The following RILPL1 variants were observed in gnomAD, a reference collection of about 807,000 sequenced individuals.
The protein encoded by RILPL1 is RILP-like protein 1.
Under a neutral mutation model 50.3 loss-of-function variants are expected in RILPL1, and 33 were observed. The observed-to-expected ratio is 0.66, with a 90% CI of 0.50 to 0.88. The LOEUF (loss-of-function observed/expected upper bound fraction) is 0.88, where lower values mean the gene tolerates loss of function less well. Ranked by LOEUF, RILPL1 falls within the 40% of genes least tolerant of loss-of-function variation. RILPL1 has a pLI of 0.00. For missense variants in RILPL1, 418 were observed against 542.5 expected, an observed-to-expected ratio of 0.77 and a Z score of 2.28; for synonymous variants, 205 against 228.6, an observed-to-expected ratio of 0.90 and a Z score of 0.93.
rs1882534783 is a variant in RILPL1, at chr12:123,489,206, G to A, written c.802-3401C>T. ...CTGGGAACAGAGTCAGACAGATGGG[G>A]CTGAAGAGAAGATACACATAAATAG... On this transcript the variant is annotated intron_variant, in intron 4 of 6. Transcript: ENST00000376874. The surrounding 1 kb of genome is among the most constrained non-coding windows in gnomAD (Gnocchi z 4.0). Among the ~76,000 whole-genome samples, 1 of 152,186 alleles carries A rather than the reference G, an allele frequency of 6.6e-6. No homozygotes were observed. The highest frequency in any genetic ancestry group is 1.5e-5 in the Non-Finnish European group (1 of 68,042).
intron 4 of RILPL1, among the ~76,000 whole-genome samples, chr12:123,494,947 C>T (rs552210346): frequency 1.5e-4 from 23 of 152,208 alleles, no homozygotes; most frequent in Non-Finnish European, 2.6e-4. Flanking sequence ...TGGCCTTTAT[C>T]CTTCCCTCAG....
chr12:123,518,010 C>T (rs1288471126), intron 2 of RILPL1, among the ~76,000 whole-genome samples: 1 of 152,112 alleles, frequency 6.6e-6, no homozygotes, highest in Non-Finnish European at 1.5e-5. Flanking sequence ...ATATAGGAGA[C>T]GCCTCAAGTA....
Position 123,499,502 on chromosome 12 carries a change from C to G in RILPL1, c.495G>C (p.Lys165Asn). 6.2e-7 allele frequency: 1 copy of G among 1,613,982 alleles called. No homozygotes were observed. Among genetic ancestry groups the G allele is most frequent in the Non-Finnish European group, 8.5e-7 (1 of 1,179,878 alleles). The change falls in exon 3 of 7, where the codon AAG becomes AAC. Residue 165 changes from lysine to asparagine, a missense_variant. Lys to Asn is a moderately conservative substitution (Grantham distance 94). Coordinates refer to ENST00000376874, the MANE Select transcript of RILPL1 (RefSeq NM_178314.5). ...MSERERQVMK[K>N]LKEVVDKQRD... ...GTTGTTTGTCCACCACCTCCTTCAGCTTCTTCATCACCTGTCGCTCCCGCT... is the reference window on the plus strand; with the variant it reads ...GTTGTTTGTCCACCACCTCCTTCAGGTTCTTCATCACCTGTCGCTCCCGCT...
At chr12:123,493,997 C>A (rs1336037738) in intron 4 of RILPL1, among the ~76,000 whole-genome samples, 1 of 152,056 alleles carries the variant, frequency 6.6e-6, no homozygotes, top group African/African-American at 2.4e-5. Flanking sequence ...GTTGCCCAGG[C>A]TAGTCTCAAA....
intron 2 of RILPL1, chr12:123,514,133 AACGAGGAAAGCAGCTCTGACACGCC>A (rs1884552793): frequency 6.6e-6 from 1 of 152,286 alleles, no homozygotes; most frequent in Admixed American, 6.5e-5. Flanking sequence ...ATTCAGCCAT[AACGAGGAAAGCAGCTCTGACACGCC>A]ACAGCACGGA....
chr12:123,477,935 C>T (rs9777813), intron 6 of RILPL1, among the ~76,000 whole-genome samples: 90,698 of 148,092 alleles, frequency 0.61, 28,316 homozygotes, highest in East Asian at 0.99. Flanking sequence ...GACCAATGCT[C>T]GGGGGCCTGG....
At chr12:123,475,549 TGGC>T (rs1397746143) in intron 6 of RILPL1, 2 of 696,716 alleles carry the variant, frequency 2.9e-6, no homozygotes, top group Non-Finnish European at 5.2e-6. Context: ...AGCACACAGG[TGGC>T]GGCCATGCAG....
At chr12:123,525,719 A>AAAAAAAAAAAC (rs1885227993) in intron 1 of RILPL1, among the ~76,000 whole-genome samples, 1 of 149,614 alleles carries the variant, frequency 6.7e-6, no homozygotes, top group Non-Finnish European at 1.5e-5. Flanking sequence ...AAAAAAAAAA[A>AAAAAAAAAAAC]AAAAAGAAAC....
In RILPL1 at chr12:123,494,857, G is replaced by A. The variant is rs529644859; in HGVS notation, c.801+3687C>T. Among the ~76,000 whole-genome samples the A allele has an allele frequency of 2.0e-4, 31 of 152,268 alleles. No homozygotes were observed. The East Asian group carries it at 3.9e-3, about 19-fold the overall frequency. Reference sequence around the variant, plus strand: ...CCTGCTGAACCCCTGCGAGGGACCCGCACCCCTACTACTCAGAGCTCTGTG... The same window carrying A: ...CCTGCTGAACCCCTGCGAGGGACCCACACCCCTACTACTCAGAGCTCTGTG... On this transcript the variant is annotated intron_variant, in intron 4 of 6. Coordinates refer to ENST00000376874, the MANE Select transcript of RILPL1 (RefSeq NM_178314.5).
chr12:123,515,696 C>T (rs559924980), intron 2 of RILPL1, among the ~76,000 whole-genome samples: 16 of 151,472 alleles, frequency 1.1e-4, no homozygotes, highest in Non-Finnish European at 2.1e-4. Context: ...GTGATCCGCC[C>T]GCCTCAGCCT....
intron 6 of RILPL1, chr12:123,473,574 AAAATT>A (rs1189966241): frequency 6.6e-6 from 1 of 152,054 alleles, no homozygotes; most frequent in Non-Finnish European, 1.5e-5. Context: ...TCTCTGATAT[AAAATT>A]AGGGAAACAT....
chr12:123,511,201 GGTCT>G (rs1384409611), intron 2 of RILPL1, among the ~76,000 whole-genome samples: 1 of 141,544 alleles, frequency 7.1e-6, no homozygotes, highest in African/African-American at 2.7e-5. Flanking sequence ...TGGTGTGTGA[GGTCT>G]GTATGTGTGT....
At chr12:123,500,751 T>C (rs540114328) in intron 2 of RILPL1, among the ~76,000 whole-genome samples, 32 of 152,094 alleles carry the variant, frequency 2.1e-4, no homozygotes, top group African/African-American at 7.2e-4. Flanking sequence ...CCGCAACTCA[T>C]AGGGCTGTTG....
In RILPL1 at chr12:123,485,617, C is replaced by T; in HGVS notation, c.974+16G>A. The T allele has an allele frequency of 1.2e-6, 2 of 1,612,648 alleles. No homozygotes were observed. Among genetic ancestry groups the T allele is most frequent in the African/African-American group, 2.7e-5 (2 of 75,010 alleles). ...TAAGGAGCCAGCTCGGGCCATCCAG[C>T]CCCAGGGACACTTGCCTCTTATAGT... is the stretch of plus-strand genomic sequence containing the variant. On this transcript the variant is annotated intron_variant, in intron 5 of 6. Coordinates refer to ENST00000376874, the MANE Select transcript of RILPL1 (RefSeq NM_178314.5). The surrounding 1 kb of genome is among the most constrained non-coding windows in gnomAD (Gnocchi z 4.0).
chr12:123,484,306 T>G (rs1882189467), intron 5 of RILPL1, 34 bp from the exon 6 acceptor site: 2 of 1,397,890 alleles, frequency 1.4e-6, no homozygotes, highest in African/African-American at 2.8e-5. Context: ...GATAAAAGAG[T>G]CAAAAGTTCC....
At chr12:123,518,408 G>A (rs1433480529) in intron 2 of RILPL1, 1 of 376,158 alleles carries the variant, frequency 2.7e-6, no homozygotes, top group Non-Finnish European at 5.4e-6. Flanking sequence ...TTAGAAGACT[G>A]AGGTGGGAGA....
intron 2 of RILPL1, among the ~76,000 whole-genome samples, chr12:123,518,215 A>T (rs13303189): frequency 0.17 from 26,560 of 152,048 alleles, 2,487 homozygotes; most frequent in Middle Eastern, 0.24. Context: ...AAAAATGATT[A>T]AGACAGGGCC....
At chr12:123,492,681 G>A (rs907330958) in intron 4 of RILPL1, among the ~76,000 whole-genome samples, 2 of 152,184 alleles carry the variant, frequency 1.3e-5, no homozygotes, top group African/African-American at 4.8e-5. Flanking sequence ...TACTGTGTCT[G>A]TGTAGAAAGA....
rs987914227 is a variant in RILPL1 at position 123,485,290 on chromosome 12, T to C, written c.974+343A>G. ...AGGTGAAAAGGGCCACATAGACCATTAACACCGGGGCCGGGTTTCATTCAT... is the reference window on the plus strand; with the variant it reads ...AGGTGAAAAGGGCCACATAGACCATCAACACCGGGGCCGGGTTTCATTCAT... On this transcript the variant is annotated intron_variant, in intron 5 of 6. Coordinates refer to ENST00000376874, the MANE Select transcript of RILPL1 (RefSeq NM_178314.5). This position sits in a 1 kb window ranked among gnomAD's most constrained non-coding sequence, Gnocchi z 4.0. 6.5e-6 allele frequency: 3 copies of C among 459,214 alleles called. No homozygotes were observed. The highest frequency in any genetic ancestry group is 4.9e-5 in the Admixed American group (2 of 40,680). 28.4% of individuals were successfully genotyped at this position (459,214 alleles called of 1,614,324 possible).
Sources: allele counts gnomAD v4.1 joint callset (sites outside exome capture counted in the v4.1 genomes callset), GRCh38; gene constraint gnomAD v4.1.1; non-coding constraint Gnocchi (gnomAD v3.1); transcripts MANE v1.5; gene names NCBI Gene and HGNC (gene_info 2026-07-23, HGNC 2026-07-21).